Variants in CSMD1 observed in about 807,000 individuals in gnomAD.
CSMD1 encodes CUB and Sushi multiple domains 1.
Under a neutral mutation model 417.5 loss-of-function variants are expected in CSMD1, and 213 were observed. That is an observed-to-expected ratio of 0.51 (90% confidence interval 0.46 to 0.57). The LOEUF (loss-of-function observed/expected upper bound fraction) is 0.57. Among genes scored for constraint, CSMD1 ranks in the 20% least tolerant of loss-of-function variants. CSMD1 has a pLI of 0.00. For missense variants in CSMD1, 6,923 were observed against 4,529.7 expected, an observed-to-expected ratio of 1.53 and a Z score of -15.17; for synonymous variants, 2,862 against 1,736.8, an observed-to-expected ratio of 1.65 and a Z score of -16.11.
intron 5 of CSMD1, among the ~76,000 whole-genome samples, chr8:3,957,100 C>G (rs955000779): frequency 2.3e-4 from 35 of 149,340 alleles, no homozygotes; most frequent in African/African-American, 7.8e-4. Context: ...TCTTTGGAAA[C>G]TATTTCCTCA....
intron 1 of CSMD1, among the ~76,000 whole-genome samples, chr8:4,937,153 C>A (rs1477188641): frequency 5.3e-5 from 8 of 152,122 alleles, no homozygotes; most frequent in Non-Finnish European, 1.0e-4. Flanking sequence ...CTCAAGGCTG[C>A]AGTGAGCTCT....
At chr8:4,853,433 T>C (rs1157426824) in intron 1 of CSMD1, among the ~76,000 whole-genome samples, 2 of 152,190 alleles carry the variant, frequency 1.3e-5, no homozygotes, top group Non-Finnish European at 2.9e-5. Context: ...ATCCATAAGC[T>C]TGGCAGCTTC....
intron 2 of CSMD1, among the ~76,000 whole-genome samples, chr8:4,458,961 C>T (rs1203583622): frequency 1.3e-5 from 2 of 152,164 alleles, no homozygotes; most frequent in Admixed American, 6.5e-5. Flanking sequence ...AACGAGGAAA[C>T]ATCTAACCAA....
At chr8:3,243,175 G>A (rs531024685) in intron 26 of CSMD1, among the ~76,000 whole-genome samples, 3 of 152,258 alleles carry the variant, frequency 2.0e-5, no homozygotes, top group Admixed American at 6.5e-5. Context: ...CCGCTTACCC[G>A]ATTTAAAATT....
intron 1 of CSMD1, among the ~76,000 whole-genome samples, chr8:4,715,125 C>T (rs926019579): frequency 2.0e-5 from 3 of 152,114 alleles, no homozygotes; most frequent in Non-Finnish European, 2.9e-5. Context: ...GATCCAAAAA[C>T]TAGTAAGATT....
chr8:3,145,584 T>G (rs1194632253), intron 40 of CSMD1, among the ~76,000 whole-genome samples: 1 of 152,170 alleles, frequency 6.6e-6, no homozygotes, highest in East Asian at 1.9e-4. Flanking sequence ...CAGGATAAAT[T>G]ATACAGCCAC....
At chr8:4,424,316 T>A (rs971094624) in intron 2 of CSMD1, among the ~76,000 whole-genome samples, 3 of 151,906 alleles carry the variant, frequency 2.0e-5, no homozygotes, top group African/African-American at 7.3e-5. Context: ...GTATCTAGAA[T>A]ATACCATGAA....
intron 12 of CSMD1, among the ~76,000 whole-genome samples, chr8:3,442,865 C>T (rs1341066159): frequency 6.6e-6 from 1 of 151,882 alleles, no homozygotes; most frequent in Non-Finnish European, 1.5e-5. Flanking sequence ...TGGTTTTGGC[C>T]TCAGAATATT....
At chr8:4,397,997 C>A (rs1379266665) in intron 3 of CSMD1, among the ~76,000 whole-genome samples, 1 of 152,130 alleles carries the variant, frequency 6.6e-6, no homozygotes, top group African/African-American at 2.4e-5. Flanking sequence ...TTTTTAAATA[C>A]CTTTGTCTAG....
chr8:4,542,665 C>A (rs1187763139), intron 2 of CSMD1, among the ~76,000 whole-genome samples: 1 of 152,072 alleles, frequency 6.6e-6, no homozygotes, highest in African/African-American at 2.4e-5. Flanking sequence ...TATATCACCA[C>A]TGTATCTTAT....
chr8:4,715,014 A>T (rs1287461044), intron 1 of CSMD1, among the ~76,000 whole-genome samples: 1 of 152,138 alleles, frequency 6.6e-6, no homozygotes, highest in South Asian at 2.1e-4. Context: ...ATTTCATATC[A>T]TTTTAACATT....
intron 3 of CSMD1, among the ~76,000 whole-genome samples, chr8:4,259,836 G>C (rs1055108781): frequency 6.6e-6 from 1 of 152,140 alleles, no homozygotes; most frequent in African/African-American, 2.4e-5. Context: ...TCATAATATT[G>C]TTTTGGAATT....
chr8:3,643,426 G>T (rs1365414650), intron 7 of CSMD1, among the ~76,000 whole-genome samples: 1 of 151,736 alleles, frequency 6.6e-6, no homozygotes, highest in African/African-American at 2.4e-5. Flanking sequence ...CTCTGGGCCG[G>T]ACGCCGTGGC....
chr8:3,997,855 G>C, intron 5 of CSMD1, 48 bp downstream of exon 5: 2 of 1,519,578 alleles, frequency 1.3e-6, no homozygotes, highest in Non-Finnish European at 1.8e-6. Flanking sequence ...GGGAAAAAAC[G>C]GGGAAAACAC....
chr8:4,060,373 C>A (rs77648534), intron 3 of CSMD1, among the ~76,000 whole-genome samples: 2,266 of 152,262 alleles, frequency 0.015, 52 homozygotes, highest in East Asian at 0.088. Flanking sequence ...ATTCCCTTTG[C>A]AAACTGGCAC....
At chr8:4,543,067 C>T (rs1797471388) in intron 2 of CSMD1, among the ~76,000 whole-genome samples, 1 of 152,174 alleles carries the variant, frequency 6.6e-6, no homozygotes, top group Non-Finnish European at 1.5e-5. Context: ...ATACCCCTCA[C>T]ATGCCTCCCA....
chr8:3,452,793 C>G (rs979661851), intron 12 of CSMD1, among the ~76,000 whole-genome samples: 11 of 152,062 alleles, frequency 7.2e-5, no homozygotes, highest in Non-Finnish European at 1.3e-4. Flanking sequence ...TTTGTTGTGT[C>G]TCTGCCAGGC....
chr8:3,626,474 A>G (rs1472422966), intron 7 of CSMD1, among the ~76,000 whole-genome samples: 1 of 152,156 alleles, frequency 6.6e-6, no homozygotes, highest in Non-Finnish European at 1.5e-5. Context: ...AAAGTCTTAA[A>G]GTCGTTATAT....
At chr8:4,282,132 T>G (rs1796818677) in intron 3 of CSMD1, among the ~76,000 whole-genome samples, 1 of 152,214 alleles carries the variant, frequency 6.6e-6, no homozygotes, top group Admixed American at 6.5e-5. Context: ...AACTTTAAAG[T>G]TATACAATAT....
Sources: gnomAD v4.1 joint callset for allele counts (sites outside exome capture counted in the v4.1 genomes callset) on GRCh38, gnomAD v4.1.1 for gene constraint, MANE v1.5 for transcripts, NCBI Gene and HGNC (gene_info 2026-07-23, HGNC 2026-07-21) for gene names.